Variants in CTNNA3 observed in about 807,000 individuals in gnomAD.
CTNNA3 encodes the protein catenin alpha-3.
A neutral mutation model predicts 95.7 loss-of-function variants in CTNNA3; 76 were observed. The observed-to-expected ratio is 0.79, with a 90% CI of 0.66 to 0.96. The LOEUF (loss-of-function observed/expected upper bound fraction) is 0.96, where lower values mean the gene tolerates loss of function less well. CTNNA3 is among the 40% of genes least tolerant of loss of function. The probability of loss-of-function intolerance (pLI) is 0.00; values close to 1 mark genes in which losing one functional copy is unlikely to be tolerated. For missense variants in CTNNA3, 1,191 were observed against 1,089.8 expected (o/e 1.09, Z -1.31); for synonymous variants, 431 against 374.4 (o/e 1.15, Z -1.74).
At chr10:66,116,101 A>G (rs2082331866) in intron 13 of CTNNA3, among the ~76,000 whole-genome samples, 1 of 152,192 alleles carries the variant, frequency 6.6e-6, no homozygotes, top group Non-Finnish European at 1.5e-5. Flanking sequence ...CTCTGTATTT[A>G]AAGAGATTTT....
intron 7 of CTNNA3, among the ~76,000 whole-genome samples, chr10:67,111,264 A>G (rs910725220): frequency 2.0e-5 from 3 of 152,190 alleles, no homozygotes; most frequent in Admixed American, 6.5e-5. Flanking sequence ...ATACAACATT[A>G]TAGAGTGCTA....
intron 13 of CTNNA3, among the ~76,000 whole-genome samples, chr10:66,184,562 T>C (rs1344511910): frequency 6.6e-6 from 1 of 152,224 alleles, no homozygotes; most frequent in Non-Finnish European, 1.5e-5. Flanking sequence ...TCTTTCGTCA[T>C]TGTTTTGCAA....
intron 5 of CTNNA3, among the ~76,000 whole-genome samples, chr10:67,220,499 G>A (rs879461746): frequency 6.6e-6 from 1 of 151,910 alleles, no homozygotes; most frequent in Non-Finnish European, 1.5e-5. Flanking sequence ...GGGGGGAAAG[G>A]GCCTACAGAC....
chr10:66,453,401 A>G (rs112996156), intron 11 of CTNNA3, among the ~76,000 whole-genome samples: 1,649 of 152,366 alleles, frequency 0.011, 37 homozygotes, highest in African/African-American at 0.038. Flanking sequence ...TTACACTGCC[A>G]CTTGGCATCA....
intron 12 of CTNNA3, among the ~76,000 whole-genome samples, chr10:66,375,365 T>G (rs1181891268): frequency 6.6e-6 from 1 of 152,052 alleles, no homozygotes; most frequent in African/African-American, 2.4e-5. Context: ...GTAGAGACCA[T>G]GGCCAAGGCT....
At chr10:67,545,464 T>C (rs1589410198) in intron 3 of CTNNA3, among the ~76,000 whole-genome samples, 1 of 152,142 alleles carries the variant, frequency 6.6e-6, no homozygotes, top group Non-Finnish European at 1.5e-5. Context: ...TTATATAGTT[T>C]TATTAACTAT....
intron 5 of CTNNA3, among the ~76,000 whole-genome samples, chr10:67,475,840 A>T (rs1847987816): frequency 6.6e-6 from 1 of 152,202 alleles, no homozygotes; most frequent in South Asian, 2.1e-4. Flanking sequence ...GTTTGGATTT[A>T]ATCTGAATGG....
chr10:67,158,067 C>G (rs910623959), intron 7 of CTNNA3, among the ~76,000 whole-genome samples: 1 of 151,966 alleles, frequency 6.6e-6, no homozygotes, highest in Non-Finnish European at 1.5e-5. Context: ...CTGCCCCCAC[C>G]GGGTTATACT....
At chr10:67,756,666 A>T (rs1473479626) in intron 1 of CTNNA3, among the ~76,000 whole-genome samples, 2 of 152,176 alleles carry the variant, frequency 1.3e-5, no homozygotes, top group African/African-American at 4.8e-5. Flanking sequence ...CAGATTAGTG[A>T]TTGCAGGGGC....
intron 13 of CTNNA3, among the ~76,000 whole-genome samples, chr10:66,144,954 A>G (rs1284781450): frequency 6.6e-6 from 1 of 152,114 alleles, no homozygotes; most frequent in East Asian, 1.9e-4. Context: ...TTATTTCAGT[A>G]TTTCTCTTAG....
At chr10:66,363,332 G>A (rs2092689965) in intron 12 of CTNNA3, among the ~76,000 whole-genome samples, 1 of 152,188 alleles carries the variant, frequency 6.6e-6, no homozygotes, top group African/African-American at 2.4e-5. Context: ...CCTTTGAGAG[G>A]TAATTAGGTC....
At chr10:66,626,744 A>G (rs1026434704) in intron 9 of CTNNA3, among the ~76,000 whole-genome samples, 1 of 152,188 alleles carries the variant, frequency 6.6e-6, no homozygotes, top group Non-Finnish European at 1.5e-5. Context: ...TGGTAAGAGT[A>G]ATAGAATCAC....
chr10:67,467,471 T>TA (rs1482761156), intron 5 of CTNNA3, among the ~76,000 whole-genome samples: 3 of 148,930 alleles, frequency 2.0e-5, no homozygotes, highest in East Asian at 4.6e-4. Flanking sequence ...ATTGCTTTTT[T>TA]TAAAAAAAAA....
rs577946890 is a variant in CTNNA3 at position 66,242,411 on chromosome 10, G to A, written c.1884+38059C>T. On this transcript the variant is annotated intron_variant, in intron 13 of 17. Transcript: ENST00000433211. ...AAGCAAGCCACTGACACAGATTGGA[G>A]ACGAAAATGATATATTGACAGTACG... 2.0e-5 allele frequency among the ~76,000 whole-genome samples: 3 copies of A among 152,244 alleles called. No individual in the cohort carries two copies. The South Asian group carries it at 6.2e-4, about 32-fold the overall frequency.
chr10:67,449,386 G>T (rs1846881731), intron 5 of CTNNA3, among the ~76,000 whole-genome samples: 3 of 152,158 alleles, frequency 2.0e-5, no homozygotes, highest in Non-Finnish European at 4.4e-5. Context: ...GCAATGCTAA[G>T]CAAAAAGAAC....
chr10:66,787,621 C>T (rs1156632871), intron 7 of CTNNA3, among the ~76,000 whole-genome samples: 1 of 152,086 alleles, frequency 6.6e-6, no homozygotes, highest in East Asian at 1.9e-4. Context: ...GTTCTAGTTC[C>T]TGTAGTTCGA....
chr10:66,662,243 T>C (rs1846289204), intron 9 of CTNNA3, among the ~76,000 whole-genome samples: 1 of 152,322 alleles, frequency 6.6e-6, no homozygotes, highest in Non-Finnish European at 1.5e-5. Context: ...GAGACATTGG[T>C]ATCCTTAACA....
At chr10:66,486,959 T>A (rs935135560) in intron 11 of CTNNA3, among the ~76,000 whole-genome samples, 4 of 151,936 alleles carry the variant, frequency 2.6e-5, no homozygotes, top group African/African-American at 9.7e-5. Context: ...GAAGGGCAAA[T>A]CTTGTATGAT....
chr10:67,201,734 T>C (rs1904645), intron 6 of CTNNA3, among the ~76,000 whole-genome samples: 57,343 of 152,040 alleles, frequency 0.38, 15,018 homozygotes, highest in African/African-American at 0.75. Flanking sequence ...TGTTTAAAGG[T>C]GAGTTCTTAT....
Sources: allele counts gnomAD v4.1 joint callset (sites outside exome capture counted in the v4.1 genomes callset), GRCh38; gene constraint gnomAD v4.1.1; transcripts MANE v1.5; gene names NCBI Gene and HGNC (gene_info 2026-07-23, HGNC 2026-07-21).